The following RPH3AL variants were observed in gnomAD, a reference collection of about 807,000 sequenced individuals.
RPH3AL encodes the protein rab effector Noc2.
RPH3AL carries 38 observed loss-of-function variants against 43.1 expected under a neutral mutation model. The observed-to-expected ratio is 0.88, with a 90% confidence interval of 0.68 to 1.15. The LOEUF (loss-of-function observed/expected upper bound fraction) is 1.15, where lower values mean the gene tolerates loss of function less well. RPH3AL is among the 50% of genes most tolerant of loss of function. The pLI is 0.00. For missense variants in RPH3AL, 462 were observed against 423.2 expected, an observed-to-expected ratio of 1.09 and a Z score of -0.81; for synonymous variants, 189 against 176.3, an observed-to-expected ratio of 1.07 and a Z score of -0.57.
At chr17:275,260 G>C (rs897593018) in intron 6 of RPH3AL, among the ~76,000 whole-genome samples, 3 of 148,488 alleles carry the variant, frequency 2.0e-5, no homozygotes, top group Non-Finnish European at 4.5e-5. Context: ...AAAAAAAGGA[G>C]AGTAACCAAA....
At chr17:311,684 A>G (rs530810822) in intron 5 of RPH3AL, among the ~76,000 whole-genome samples, 146 of 152,356 alleles carry the variant, frequency 9.6e-4, no homozygotes, top group African/African-American at 3.3e-3. Flanking sequence ...AATTATAACG[A>G]GACATTTATA....
chr17:313,161 G>A (rs543801314), intron 5 of RPH3AL, among the ~76,000 whole-genome samples: 2 of 152,162 alleles, frequency 1.3e-5, no homozygotes, highest in South Asian at 2.1e-4. Flanking sequence ...AGAATACACT[G>A]AAGAGGCTGA....
chr17:340,387 C>A lies in RPH3AL; in HGVS notation c.-212-6453G>T, dbSNP rs534257340. ...TCACTGCCCTGGGCTCAGGCCTCCC[C>A]ACATCCACACTCACTGCCCCGGGCT... On this transcript the variant is annotated intron_variant, in intron 1 of 9. Transcript: ENST00000331302. 2.2e-4 allele frequency among the ~76,000 whole-genome samples: 34 copies of A among 151,834 alleles called. 2 individuals are homozygous for A. The South Asian group carries it at 7.3e-3, about 32-fold the overall frequency.
intron 6 of RPH3AL, among the ~76,000 whole-genome samples, chr17:263,029 T>C (rs2042237101): frequency 1.3e-5 from 2 of 152,222 alleles, no homozygotes; most frequent in South Asian, 4.1e-4. Flanking sequence ...TTAGCCTCTT[T>C]GTGTCATCAC....
intron 6 of RPH3AL, among the ~76,000 whole-genome samples, chr17:275,251 AAAAAAG>A (rs1230564876): frequency 6.9e-6 from 1 of 145,682 alleles, no homozygotes; most frequent in African/African-American, 2.4e-5. Context: ...ACAAAAAACA[AAAAAAG>A]GAGAGTAACC....
chr17:317,038 A>T (rs183782024), intron 5 of RPH3AL, among the ~76,000 whole-genome samples: 3 of 94,688 alleles, frequency 3.2e-5, no homozygotes, highest in African/African-American at 1.2e-4. Flanking sequence ...ACCTCCACTG[A>T]CCTGTAGTCT....
chr17:237,978 G>A (rs12103587), intron 7 of RPH3AL, among the ~76,000 whole-genome samples: 1,688 of 127,526 alleles, frequency 0.013, 32 homozygotes, highest in African/African-American at 0.051. Context: ...GAATCACCCC[G>A]TCTCTACAGA....
chr17:316,040 G>A (rs1598104970), intron 5 of RPH3AL, among the ~76,000 whole-genome samples: 3 of 146,886 alleles, frequency 2.0e-5, no homozygotes, highest in Non-Finnish European at 3.0e-5. Context: ...CCATTGACCT[G>A]TAGTCCCTGT....
At chr17:302,239 T>C (rs867348035) in intron 5 of RPH3AL, among the ~76,000 whole-genome samples, 1 of 152,278 alleles carries the variant, frequency 6.6e-6, no homozygotes, top group Middle Eastern at 3.4e-3. Context: ...GAGTCTCTCG[T>C]CCAGCCTTTG....
At chr17:348,710 C>G (rs953517148) in intron 1 of RPH3AL, among the ~76,000 whole-genome samples, 2 of 152,134 alleles carry the variant, frequency 1.3e-5, no homozygotes, top group Non-Finnish European at 1.5e-5. Context: ...GTGGACTAAT[C>G]ACAGGCGCCC....
Position 264,670 on chromosome 17 carries a change from GA to G in RPH3AL, c.438+17097del, listed in dbSNP as rs1314822702. On this transcript the variant is annotated intron_variant, in intron 6 of 9. Transcript: ENST00000331302. This position sits in a 1 kb window ranked among gnomAD's most constrained non-coding sequence, Gnocchi z 4.8. ...TTGTGACCACACAGGACCAACGCAG[GA>G]AGAGGTCAGCATTTGCTCTTCTAAG... 1.3e-5 allele frequency among the ~76,000 whole-genome samples: 2 copies of G among 152,210 alleles called. No homozygotes were observed. Among genetic ancestry groups the G allele is most frequent in the African/African-American group, 4.8e-5 (2 of 41,444 alleles).
chr17:338,438 C>T (rs2151726400), intron 1 of RPH3AL: 2 of 130,648 alleles, frequency 1.5e-5, no homozygotes, highest in South Asian at 5.5e-4. Context: ...AGCTGGGTAA[C>T]AGAGCAAGAC....
intron 6 of RPH3AL, among the ~76,000 whole-genome samples, chr17:275,249 CAAAAAAAGGAGAGT>C (rs1567607076): frequency 1.2e-5 from 1 of 86,486 alleles, no homozygotes; most frequent in Non-Finnish European, 2.9e-5. Context: ...AAACAAAAAA[CAAAAAAAGGAGAGT>C]AACCAAAATG....
At chr17:253,181 G>A (rs548487408) in intron 6 of RPH3AL, among the ~76,000 whole-genome samples, 13 of 152,306 alleles carry the variant, frequency 8.5e-5, no homozygotes, top group African/African-American at 2.4e-4. Flanking sequence ...GGCGTGGGGC[G>A]AACAATGGAG....
intron 3 of RPH3AL, 97 bp from the exon 4 acceptor site, chr17:321,512 G>GGAC: frequency 7.3e-7 from 1 of 1,367,948 alleles, no homozygotes; most frequent in East Asian, 2.7e-5. Flanking sequence ...AACAGTCAGT[G>GGAC]GACGGCCCAG....
chr17:293,993 A>G (rs1036006791), intron 5 of RPH3AL, among the ~76,000 whole-genome samples: 2 of 152,022 alleles, frequency 1.3e-5, no homozygotes, highest in African/African-American at 4.8e-5. Context: ...GCACCACTGC[A>G]TTACAGCCTG....
At chr17:268,996 A>C (rs1428189274) in intron 6 of RPH3AL, among the ~76,000 whole-genome samples, 1 of 152,082 alleles carries the variant, frequency 6.6e-6, no homozygotes, top group Non-Finnish European at 1.5e-5. Flanking sequence ...CTCCTGCCTC[A>C]GCCTCCCGAG....
chr17:240,259 T>C (rs80105628), intron 7 of RPH3AL, among the ~76,000 whole-genome samples: 12,792 of 149,812 alleles, frequency 0.085, 725 homozygotes, highest in Admixed American at 0.12. Context: ...AAAAGGTTTT[T>C]TTGTTGTAAG....
rs192702711 is a variant in RPH3AL, at chr17:250,815, C to A, written c.439-3530G>T. On this transcript the variant is annotated intron_variant, in intron 6 of 9. Coordinates refer to ENST00000331302, the MANE Select transcript of RPH3AL (RefSeq NM_006987.4). ...TTTACTAAACTCCATCACTGCGGGACCTCTCGGAGCCTTTACCAAGCTCCA... is the reference window on the plus strand; with the variant it reads ...TTTACTAAACTCCATCACTGCGGGAACTCTCGGAGCCTTTACCAAGCTCCA... 8.9e-4 allele frequency among the ~76,000 whole-genome samples: 136 copies of A among 151,980 alleles called. 1 individual carries two copies. The highest frequency in any genetic ancestry group is 3.2e-3 in the African/African-American group (134 of 41,438).
Sources: gnomAD v4.1 joint callset for allele counts (sites outside exome capture counted in the v4.1 genomes callset) on GRCh38, gnomAD v4.1.1 for gene constraint, Gnocchi (gnomAD v3.1) non-coding constraint, MANE v1.5 for transcripts, NCBI Gene and HGNC (gene_info 2026-07-23, HGNC 2026-07-21) for gene names.